Variants in PPP2R1A observed in about 807,000 individuals in gnomAD.
PPP2R1A encodes the protein protein phosphatase 2 scaffold subunit Aalpha, also known as serine/threonine-protein phosphatase 2A 65 kDa regulatory subunit A alpha isoform.
In PPP2R1A, 15 loss-of-function variants were observed where a neutral mutation model predicts 67.1. That is an observed-to-expected ratio of 0.22 (90% CI 0.15 to 0.34). PPP2R1A has a LOEUF of 0.34. Ranked by LOEUF, PPP2R1A falls within the 10% of genes least tolerant of loss-of-function variation. The pLI, the probability that PPP2R1A is intolerant of heterozygous loss-of-function variation, is 1.00. For missense variants in PPP2R1A, 369 were observed against 775.0 expected (o/e 0.48, Z 6.22); for synonymous variants, 337 against 325.0 (o/e 1.04, Z -0.40).
At chr19:52,193,807 C>T (rs1352734332) in intron 1 of PPP2R1A, among the ~76,000 whole-genome samples, 1 of 152,008 alleles carries the variant, frequency 6.6e-6, no homozygotes, top group Non-Finnish European at 1.5e-5. Flanking sequence ...CTGCCCGCCT[C>T]TGCCTCCCAA....
At position 52,205,944 on chromosome 19, in the gene PPP2R1A, G is replaced by A. The variant is rs746650954; in HGVS notation, c.170-19G>A. 2.5e-6 allele frequency: 4 copies of A among 1,603,572 alleles called. No homozygotes were observed. In the South Asian group the frequency reaches 4.4e-5, roughly 18 times the overall value. On this transcript the variant is annotated intron_variant, in intron 2 of 14. Transcript: ENST00000322088. ...AGAGTTGAGATGGGATAGTCACGAA[G>A]TCTGTCTTGGTTCCACAGATACCAT...
At position 52,190,084 on chromosome 19, in the gene PPP2R1A, G is replaced by C; in HGVS notation, c.-13G>C. 6.5e-7 allele frequency: 1 copy of C among 1,550,244 alleles called. No individual in the cohort carries two copies. ...CGCTGGCCGCAGTCTGACAGGAAAG[G>C]GACGGAGCCAAGATGGCGGCGGCCG... On this transcript the variant is annotated 5_prime_UTR_variant, in exon 1 of 15. Coordinates refer to ENST00000322088, the MANE Select transcript of PPP2R1A (RefSeq NM_014225.6).
At chr19:52,198,561 G>A (rs1475457040) in intron 1 of PPP2R1A, among the ~76,000 whole-genome samples, 1 of 152,180 alleles carries the variant, frequency 6.6e-6, no homozygotes, top group Admixed American at 6.5e-5. Context: ...GGTGCATAGG[G>A]TGAGCTATGG....
At chr19:52,198,415 C>T (rs753518973) in intron 1 of PPP2R1A, among the ~76,000 whole-genome samples, 7 of 152,152 alleles carry the variant, frequency 4.6e-5, no homozygotes, top group Admixed American at 6.5e-5. Context: ...TCTTGGGCAT[C>T]CCCAGCTTCA....
At chr19:52,221,408 G>A (rs558160017) in intron 12 of PPP2R1A, among the ~76,000 whole-genome samples, 2 of 152,270 alleles carry the variant, frequency 1.3e-5, no homozygotes, top group Non-Finnish European at 2.9e-5. Context: ...CAAGCTTTAT[G>A]AGCACCCCTC....
At chr19:52,210,300 T>C (rs1399574698) in intron 3 of PPP2R1A, among the ~76,000 whole-genome samples, 1 of 152,036 alleles carries the variant, frequency 6.6e-6, no homozygotes, top group Non-Finnish European at 1.5e-5. Flanking sequence ...AGCACAGTCA[T>C]TCTAGGCCCA....
chr19:52,207,633 A>G (rs62109206), intron 3 of PPP2R1A, among the ~76,000 whole-genome samples: 3,126 of 152,322 alleles, frequency 0.021, 61 homozygotes, highest in Admixed American at 0.033. Flanking sequence ...GAGAAGAGTT[A>G]GATCAGAATA....
chr19:52,217,639 A>C (rs1189376419), intron 9 of PPP2R1A, among the ~76,000 whole-genome samples: 1 of 152,142 alleles, frequency 6.6e-6, no homozygotes, highest in Non-Finnish European at 1.5e-5. Context: ...AGGTGCTCTA[A>C]TATAGACCCC....
intron 6 of PPP2R1A, among the ~76,000 whole-genome samples, chr19:52,214,233 A>G (rs899352350): frequency 6.6e-6 from 1 of 152,102 alleles, no homozygotes; most frequent in Non-Finnish European, 1.5e-5. Flanking sequence ...GCCTGAGAGA[A>G]AGCAGGAGAG....
At position 52,192,505 on chromosome 19, in the gene PPP2R1A, G is replaced by C. The variant is rs369460948; in HGVS notation, c.78+2331G>C. ...GTGTGTGTGTTTTTAGAAGAGACTGGGTTTCCCGGTGTTGGCCAGGCTGGT... is the reference window on the plus strand; with the variant it reads ...GTGTGTGTGTTTTTAGAAGAGACTGCGTTTCCCGGTGTTGGCCAGGCTGGT... On this transcript the variant is annotated intron_variant, in intron 1 of 14. Transcript: ENST00000322088. Among the ~76,000 whole-genome samples the C allele has an allele frequency of 1.4e-4, 22 of 152,108 alleles. 1 individual carries two copies. In the South Asian group the frequency reaches 4.2e-3, roughly 29 times the overall value.
In PPP2R1A at chr19:52,212,777, G is replaced by A. The variant is rs2089683184; in HGVS notation, c.595G>A (p.Asp199Asn). The change falls in exon 5 of 15, where the codon GAC becomes AAC. Residue 199 changes from aspartate to asparagine, a missense_variant. Asp to Asn is a conservative substitution (Grantham distance 23). Coordinates refer to ENST00000322088, the MANE Select transcript of PPP2R1A (RefSeq NM_014225.6). This position sits in a 1 kb window ranked among gnomAD's most constrained non-coding sequence, Gnocchi z 4.1. The part of the protein sequence containing the change: ...LGEFAKVLEL[D>N]NVKSEIIPMF... The stretch of plus-strand genomic sequence containing the variant: ...GGAGTTTGCCAAGGTGCTGGAGCTG[G>A]ACAACGTCAAGAGTGAGATCATCCC... The A allele has an allele frequency of 6.2e-7, 1 of 1,613,686 alleles. No individual in the cohort carries two copies. The highest frequency in any genetic ancestry group is 1.3e-5 in the African/African-American group (1 of 75,066).
rs1470264336 is a variant in PPP2R1A, at chr19:52,216,107, G to A, written c.993+33G>A. 6.3e-7 allele frequency: 1 copy of A among 1,591,532 alleles called. No individual in the cohort carries two copies. Among genetic ancestry groups the A allele is most frequent in the African/African-American group, 1.3e-5 (1 of 74,538 alleles). On this transcript the variant is annotated intron_variant, in intron 8 of 14. Coordinates refer to ENST00000322088, the MANE Select transcript of PPP2R1A (RefSeq NM_014225.6). This position sits in a 1 kb window ranked among gnomAD's most constrained non-coding sequence, Gnocchi z 4.3. ...AGAGTTTGATGGGAGGAACCAAGTG[G>A]ATCCGAGCCTGCCAAAAAGAGGGGC...
intron 3 of PPP2R1A, among the ~76,000 whole-genome samples, chr19:52,209,225 C>T (rs897452130): frequency 3.0e-5 from 4 of 133,924 alleles, no homozygotes; most frequent in African/African-American, 1.0e-4. Flanking sequence ...CCGTAAGTTC[C>T]ACCGGTAGTC....
rs1047164980 is a variant in PPP2R1A, at chr19:52,216,483, T to C, written c.994-46T>C. ...TGGCATCTGCTTAGCCACTTGCTGCTGCAGGGGTTGCACTGACCCCTGTGC... is the reference window on the plus strand; with the variant it reads ...TGGCATCTGCTTAGCCACTTGCTGCCGCAGGGGTTGCACTGACCCCTGTGC... On this transcript the variant is annotated intron_variant, in intron 8 of 14. Coordinates refer to ENST00000322088, the MANE Select transcript of PPP2R1A (RefSeq NM_014225.6). The surrounding 1 kb of genome is among the most constrained non-coding windows in gnomAD (Gnocchi z 4.3). 1.2e-6 allele frequency: 2 copies of C among 1,612,108 alleles called. No individual in the cohort carries two copies. Among genetic ancestry groups the C allele is most frequent in the Non-Finnish European group, 1.7e-6 (2 of 1,178,696 alleles).
chr19:52,220,863 A>G (rs933911491), intron 11 of PPP2R1A, 116 bp from the exon 12 acceptor site: 6 of 1,259,920 alleles, frequency 4.8e-6, no homozygotes, highest in African/African-American at 3.0e-5. Flanking sequence ...TTTGGCTCAC[A>G]TGCAGCCTGG....
chr19:52,220,332 G>A lies in PPP2R1A; in HGVS notation c.1363+83G>A. 4 of 1,469,452 alleles carry A rather than the reference G, an allele frequency of 2.7e-6. No homozygotes were observed. In the South Asian group the frequency reaches 3.4e-5, roughly 13 times the overall value. 91.0% of individuals were successfully genotyped at this position (1,469,452 alleles called of 1,614,324 possible). A position where few individuals can be genotyped will look rare whatever the true frequency, so the allele number is the denominator to read the frequency against. On this transcript the variant is annotated intron_variant, in intron 11 of 14. Coordinates refer to ENST00000322088, the MANE Select transcript of PPP2R1A (RefSeq NM_014225.6). ...ATTGGCTGGGGCTGTGGCGGGCAGT[G>A]GAGGAGGCTAGAGTCACTCCCCACG...
intron 1 of PPP2R1A, among the ~76,000 whole-genome samples, chr19:52,191,726 G>T (rs1318356596): frequency 6.6e-6 from 1 of 152,120 alleles, no homozygotes; most frequent in Non-Finnish European, 1.5e-5. Flanking sequence ...GAATTCTTTT[G>T]TTCAGTAAAT....
At chr19:52,207,493 C>T (rs894355061) in intron 3 of PPP2R1A, among the ~76,000 whole-genome samples, 2 of 152,156 alleles carry the variant, frequency 1.3e-5, no homozygotes, top group Admixed American at 1.3e-4. Flanking sequence ...AGAACATTCT[C>T]AGTGAGGAAA....
At chr19:52,208,574 A>T (rs1381925265) in intron 3 of PPP2R1A, among the ~76,000 whole-genome samples, 1 of 152,032 alleles carries the variant, frequency 6.6e-6, no homozygotes, top group African/African-American at 2.4e-5. Flanking sequence ...ATCTCAGCTC[A>T]CTGCAGCCTC....
Sources: gnomAD v4.1 joint callset for allele counts (sites outside exome capture counted in the v4.1 genomes callset) on GRCh38, gnomAD v4.1.1 for gene constraint, Gnocchi (gnomAD v3.1) non-coding constraint, MANE v1.5 for transcripts, NCBI Gene and HGNC (gene_info 2026-07-23, HGNC 2026-07-21) for gene names.